ARHGAP22: variants seen among roughly 807,000 people sequenced by gnomAD.
The protein encoded by ARHGAP22 is Rho GTPase activating protein 22.
Under a neutral mutation model 59.1 loss-of-function variants are expected in ARHGAP22, and 48 were observed. The ratio of observed to expected loss-of-function variants is 0.81; its 90% CI spans 0.64 to 1.03. ARHGAP22 has a LOEUF of 1.03. ARHGAP22 is among the 50% of genes least tolerant of loss of function. The pLI, the probability that ARHGAP22 is intolerant of heterozygous loss-of-function variation, is 0.00. For missense variants in ARHGAP22, 1,015 were observed against 958.7 expected (o/e 1.06, Z -0.78); for synonymous variants, 445 against 416.4 (o/e 1.07, Z -0.84).
intron 1 of ARHGAP22, among the ~76,000 whole-genome samples, chr10:48,612,885 T>C (rs1184944022): frequency 1.3e-5 from 2 of 152,142 alleles, no homozygotes; most frequent in African/African-American, 4.8e-5. Flanking sequence ...CTTCCCTATC[T>C]CCCCAGTTAT....
intron 1 of ARHGAP22, among the ~76,000 whole-genome samples, chr10:48,586,151 C>CT (rs2059413525): frequency 6.6e-6 from 1 of 152,154 alleles, no homozygotes; most frequent in Non-Finnish European, 1.5e-5. Flanking sequence ...CCGTACATTG[C>CT]TTTTAGATTC....
chr10:48,451,871 A>G (rs1386519581), intron 8 of ARHGAP22, among the ~76,000 whole-genome samples: 1 of 151,108 alleles, frequency 6.6e-6, no homozygotes, highest in African/African-American at 2.4e-5. Flanking sequence ...CTACACACAC[A>G]CAAGTGAACA....
upstream of ARHGAP22, among the ~76,000 whole-genome samples, chr10:48,654,996 C>CTTTCTT (rs2062724805): frequency 7.9e-6 from 1 of 126,660 alleles, no homozygotes; most frequent in African/African-American, 3.1e-5. Context: ...CCCTTCCTCT[C>CTTTCTT]TCTCTTTCTT....
intron 1 of ARHGAP22, among the ~76,000 whole-genome samples, chr10:48,598,844 T>C (rs144298014): frequency 1.2e-4 from 19 of 152,314 alleles, no homozygotes; most frequent in African/African-American, 4.3e-4. Context: ...TTTCACAACC[T>C]GGGGCAGCTT....
intron 3 of ARHGAP22, among the ~76,000 whole-genome samples, chr10:48,515,666 TA>T (rs1375236623): frequency 1.3e-5 from 2 of 152,218 alleles, no homozygotes; most frequent in Non-Finnish European, 2.9e-5. Context: ...GACCATTTAC[TA>T]AATCATAAAG....
At chr10:48,456,491 A>G (rs1049985054) in intron 5 of ARHGAP22, among the ~76,000 whole-genome samples, 14 of 152,154 alleles carry the variant, frequency 9.2e-5, no homozygotes, top group African/African-American at 3.1e-4. Flanking sequence ...GTTCCTGGCC[A>G]ACTGCCCTGG....
At chr10:48,455,375 A>T (rs2046390281) in intron 5 of ARHGAP22, among the ~76,000 whole-genome samples, 1 of 152,134 alleles carries the variant, frequency 6.6e-6, no homozygotes, top group Non-Finnish European at 1.5e-5. Flanking sequence ...CAGCTCAGGG[A>T]CCACCCATCA....
At chr10:48,577,189 G>A (rs996894260) in intron 2 of ARHGAP22, among the ~76,000 whole-genome samples, 3 of 151,916 alleles carry the variant, frequency 2.0e-5, no homozygotes, top group Non-Finnish European at 2.9e-5. Context: ...TCTTATTTCT[G>A]ACTTCTGGGG....
intron 4 of ARHGAP22, among the ~76,000 whole-genome samples, chr10:48,474,284 G>C (rs1176624858): frequency 6.6e-6 from 1 of 152,014 alleles, no homozygotes; most frequent in Non-Finnish European, 1.5e-5. Flanking sequence ...AAATTGGTTT[G>C]TATATACTAA....
intron 3 of ARHGAP22, among the ~76,000 whole-genome samples, chr10:48,512,933 A>G: frequency 6.6e-6 from 1 of 152,234 alleles, no homozygotes; most frequent in East Asian, 1.9e-4. Flanking sequence ...CCTTGGTATG[A>G]ATTCATTTCT....
At chr10:48,517,803 A>C (rs2053436873) in intron 3 of ARHGAP22, among the ~76,000 whole-genome samples, 1 of 152,114 alleles carries the variant, frequency 6.6e-6, no homozygotes, top group South Asian at 2.1e-4. Flanking sequence ...TTCCTCAGAG[A>C]ATCATCAAAG....
At chr10:48,455,402 C>T (rs927976990) in intron 5 of ARHGAP22, among the ~76,000 whole-genome samples, 2 of 152,222 alleles carry the variant, frequency 1.3e-5, no homozygotes, top group Admixed American at 6.5e-5. Context: ...GGCACCTGCT[C>T]AGAATCCCTG....
At chr10:48,609,881 A>T (rs922442467), upstream of ARHGAP22, among the ~76,000 whole-genome samples, 1 of 152,192 alleles carries the variant, frequency 6.6e-6, no homozygotes, top group Non-Finnish European at 1.5e-5. Flanking sequence ...ATGCTGAATT[A>T]AAAAAATTCT....
At chr10:48,631,308 T>C (rs186895058) in intron 1 of ARHGAP22, among the ~76,000 whole-genome samples, 119 of 152,332 alleles carry the variant, frequency 7.8e-4, no homozygotes, top group African/African-American at 2.8e-3. Flanking sequence ...AGGGTGCTGT[T>C]AGCCTCACAG....
intron 3 of ARHGAP22, among the ~76,000 whole-genome samples, chr10:48,512,517 T>A (rs1245065497): frequency 6.6e-6 from 1 of 152,212 alleles, no homozygotes; most frequent in Non-Finnish European, 1.5e-5. Flanking sequence ...ACAATACTGG[T>A]CTCATCACTT....
the ARHGAP22 span, among the ~76,000 whole-genome samples, chr10:48,439,724 C>A: frequency 6.6e-6 from 1 of 152,156 alleles, no homozygotes. Context: ...TTGACTGTTT[C>A]CAACTTTTGC....
At chr10:48,573,547 G>A (rs539322969) in intron 2 of ARHGAP22, among the ~76,000 whole-genome samples, 1 of 152,224 alleles carries the variant, frequency 6.6e-6, no homozygotes, top group Non-Finnish European at 1.5e-5. Context: ...GTCTCAGGGA[G>A]CTCTGCATGT....
intron 7 of ARHGAP22, 40 bp from the exon 8 acceptor site, chr10:48,453,465 T>G (rs74130279): frequency 1.2e-6 from 2 of 1,610,948 alleles, no homozygotes; most frequent in Non-Finnish European, 1.7e-6. Flanking sequence ...AGAAGCAAGT[T>G]GTGATGCCCA....
chr10:48,439,630 T>C, the ARHGAP22 span, among the ~76,000 whole-genome samples: 92 of 152,268 alleles, frequency 6.0e-4, no homozygotes, highest in Non-Finnish European at 1.1e-3. Context: ...GGTAGACATA[T>C]GAGAGAACAG....
Sources: allele counts gnomAD v4.1 joint callset (sites outside exome capture counted in the v4.1 genomes callset), GRCh38; gene constraint gnomAD v4.1.1; transcripts MANE v1.5; gene names NCBI Gene and HGNC (gene_info 2026-07-23, HGNC 2026-07-21).